Variants in EPB41 observed in about 807,000 individuals in gnomAD.
The protein encoded by EPB41 is protein 4.1.
In EPB41, 65 loss-of-function variants were observed where a neutral mutation model predicts 108.0. That is an observed-to-expected ratio of 0.60 (90% CI 0.49 to 0.74). The LOEUF is 0.74. Ranked by LOEUF, EPB41 falls within the 30% of genes least tolerant of loss-of-function variation. The pLI is 0.00. For missense variants in EPB41, 875 were observed against 1,037.0 expected (o/e 0.84, Z 2.15); for synonymous variants, 336 against 358.9 (o/e 0.94, Z 0.72).
At chr1:29,022,980 G>A (rs2096665488) in intron 7 of EPB41, among the ~76,000 whole-genome samples, 1 of 151,944 alleles carries the variant, frequency 6.6e-6, no homozygotes, top group Non-Finnish European at 1.5e-5. Context: ...ATGTTAAAAA[G>A]TAATGGGATT....
intron 1 of EPB41, among the ~76,000 whole-genome samples, chr1:28,889,626 A>G (rs1056002199): frequency 1.3e-5 from 2 of 152,256 alleles, no homozygotes; most frequent in Non-Finnish European, 2.9e-5. Context: ...GACGCTGTGC[A>G]GGCCCCATGG....
chr1:28,961,188 G>C (rs952447591), intron 1 of EPB41, among the ~76,000 whole-genome samples: 1 of 151,942 alleles, frequency 6.6e-6, no homozygotes, highest in African/African-American at 2.4e-5. Context: ...AAACAAACTT[G>C]TTAGAATTAG....
At chr1:29,079,740 A>G (rs1655640822) in intron 16 of EPB41, among the ~76,000 whole-genome samples, 2 of 152,120 alleles carry the variant, frequency 1.3e-5, no homozygotes, top group African/African-American at 2.4e-5. Context: ...CACACCTGTA[A>G]TCCCAACACT....
rs770764638 is a variant in EPB41, at chr1:28,921,961, T to TATATATATATATATATATATATGC, written c.-8+7194_-8+7195insTATATATATATATATATATATGCA. 1.5e-4 allele frequency among the ~76,000 whole-genome samples: 17 copies of TATATATATATATATATATATATGC among 109,932 alleles called. No homozygotes were observed. The South Asian group carries it at 1.9e-3, about 12-fold the overall frequency. The allele number at this position is 109,932 out of a possible 152,430, so 72.1% of individuals were successfully genotyped here. A position where few individuals can be genotyped will look rare whatever the true frequency, so the allele number is the denominator to read the frequency against. On this transcript the variant is annotated intron_variant, in intron 1 of 20. Coordinates refer to ENST00000343067, the MANE Select transcript of EPB41 (RefSeq NM_001376013.1). ...TTTTATATATATATATATATATATATACACTTTTTTTTTGTTTTTTTTTTT... is the reference window on the plus strand; with the variant it reads ...TTTTATATATATATATATATATATATATATATATATATATATATATATGCACACTTTTTTTTTGTTTTTTTTTTT...
intron 17 of EPB41, among the ~76,000 whole-genome samples, chr1:29,107,689 A>G (rs1667636519): frequency 6.6e-6 from 1 of 151,744 alleles, no homozygotes; most frequent in African/African-American, 2.4e-5. Flanking sequence ...CATCTCTGCT[A>G]AAAATACAAA....
chr1:28,979,541 C>T (rs1416769358), intron 1 of EPB41, among the ~76,000 whole-genome samples: 2 of 151,342 alleles, frequency 1.3e-5, no homozygotes, highest in African/African-American at 2.5e-5. Context: ...ATACACTTGT[C>T]GATATTGAGG....
At chr1:29,052,175 T>C (rs536050291) in intron 11 of EPB41, among the ~76,000 whole-genome samples, 39 of 152,336 alleles carry the variant, frequency 2.6e-4, no homozygotes, top group African/African-American at 9.1e-4. Context: ...TAAGTCTGTA[T>C]AGTTTATTCT....
intron 1 of EPB41, among the ~76,000 whole-genome samples, chr1:28,964,627 A>AT (rs2095314629): frequency 6.7e-6 from 1 of 149,766 alleles, no homozygotes; most frequent in Admixed American, 6.6e-5. Context: ...ATAAATAAAT[A>AT]AAATAAATAA....
At chr1:29,092,589 G>A (rs1661677242) in intron 16 of EPB41, among the ~76,000 whole-genome samples, 1 of 152,098 alleles carries the variant, frequency 6.6e-6, no homozygotes, top group Non-Finnish European at 1.5e-5. Context: ...ACACGCGCAG[G>A]TTTGTTATGT....
At chr1:29,017,219 G>A (rs2150044779) in intron 6 of EPB41, among the ~76,000 whole-genome samples, 1 of 152,212 alleles carries the variant, frequency 6.6e-6, no homozygotes, top group African/African-American at 2.4e-5. Flanking sequence ...TAAAATTTTT[G>A]TGCCTTGTTT....
intron 16 of EPB41, among the ~76,000 whole-genome samples, chr1:29,089,751 T>A (rs1430872647): frequency 6.6e-6 from 1 of 151,954 alleles, no homozygotes; most frequent in African/African-American, 2.4e-5. Flanking sequence ...GAGAGAGAGG[T>A]AAGGGTCAGA....
At chr1:29,109,238 T>C in intron 17 of EPB41, 98 bp from the exon 18 acceptor site, 1 of 906,126 alleles carries the variant, frequency 1.1e-6, no homozygotes, top group South Asian at 1.4e-5. Flanking sequence ...AATGAGATTT[T>C]TGCATCAGAA....
At chr1:29,108,613 A>C (rs1370074649) in intron 17 of EPB41, among the ~76,000 whole-genome samples, 2 of 151,672 alleles carry the variant, frequency 1.3e-5, no homozygotes, top group Non-Finnish European at 2.9e-5. Context: ...CTGGAAGTAC[A>C]GTGGCGGGAT....
At chr1:28,982,463 G>C (rs1047492512) in intron 1 of EPB41, 3 of 773,136 alleles carry the variant, frequency 3.9e-6, no homozygotes, top group Non-Finnish European at 7.2e-6. Context: ...ACTTTGCAGG[G>C]GTAGTGGTCA....
chr1:29,094,184 T>G (rs1282349208), intron 16 of EPB41, among the ~76,000 whole-genome samples: 1 of 152,204 alleles, frequency 6.6e-6, no homozygotes, highest in East Asian at 1.9e-4. Flanking sequence ...GTGGCCTTAT[T>G]TCTAGGTTCT....
chr1:28,921,490 C>A (rs372451328), intron 1 of EPB41, among the ~76,000 whole-genome samples: 62 of 152,182 alleles, frequency 4.1e-4, no homozygotes, highest in African/African-American at 1.4e-3. Flanking sequence ...TTTAAGCCCT[C>A]AAATTTTACC....
At chr1:29,037,280 C>G (rs1335304040) in intron 10 of EPB41, among the ~76,000 whole-genome samples, 1 of 151,998 alleles carries the variant, frequency 6.6e-6, no homozygotes, top group East Asian at 1.9e-4. Context: ...TGGAGTTTCA[C>G]TACGTTGACC....
intron 7 of EPB41, among the ~76,000 whole-genome samples, chr1:29,021,279 C>G (rs936399905): frequency 2.0e-5 from 3 of 152,076 alleles, no homozygotes; most frequent in Non-Finnish European, 4.4e-5. Context: ...TTTTTTCACT[C>G]TGTTGAAATG....
At chr1:29,080,308 G>A (rs1656020878) in intron 16 of EPB41, among the ~76,000 whole-genome samples, 1 of 151,606 alleles carries the variant, frequency 6.6e-6, no homozygotes, top group East Asian at 1.9e-4. Context: ...TAGTATTTTG[G>A]CCAAGCTGGT....
Sources: allele counts gnomAD v4.1 joint callset (sites outside exome capture counted in the v4.1 genomes callset), GRCh38; gene constraint gnomAD v4.1.1; transcripts MANE v1.5; gene names NCBI Gene and HGNC (gene_info 2026-07-23, HGNC 2026-07-21).